ZC3H12C: variants seen among roughly 807,000 people sequenced by gnomAD.
The protein encoded by ZC3H12C is zinc finger CCCH-type containing 12C, also known as probable ribonuclease ZC3H12C.
Under a neutral mutation model 76.3 loss-of-function variants are expected in ZC3H12C, and 20 were observed. The ratio of observed to expected loss-of-function variants is 0.26; its 90% CI spans 0.18 to 0.38. The LOEUF is 0.38. Ranked by LOEUF, ZC3H12C falls within the 10% of genes least tolerant of loss-of-function variation. ZC3H12C has a pLI of 1.00. For synonymous variants in ZC3H12C, 352 were observed against 399.6 expected (o/e 0.88, Z 1.42); for missense variants, 874 against 1,086.5 (o/e 0.80, Z 2.75).
chr11:110,130,671 G>C (rs752949176), intron 1 of ZC3H12C, among the ~76,000 whole-genome samples: 5 of 152,158 alleles, frequency 3.3e-5, no homozygotes, highest in Non-Finnish European at 7.4e-5. Context: ...TAAAAACAAG[G>C]AGGAAAAACT....
At chr11:110,123,662 G>A (rs1376043440) in intron 1 of ZC3H12C, among the ~76,000 whole-genome samples, 1 of 152,138 alleles carries the variant, frequency 6.6e-6, no homozygotes, top group Non-Finnish European at 1.5e-5. Context: ...CCCCTCAAAT[G>A]TGTTAGACAA....
chr11:110,165,238 G>A lies in ZC3H12C; in HGVS notation c.2153G>A (p.Arg718Gln). ...LHLPHSAVGA[R>Q]SSCPGDYPSP... ...CTGCCGCACTCCGCTGTGGGCGCCC[G>A]GTCCAGCTGTCCTGGCGACTACCCC... is the stretch of plus-strand genomic sequence containing the variant. The change falls in exon 6 of 6, where the codon CGG becomes CAG. Residue 718 changes from arginine (R) to glutamine (Q), a missense_variant. Arg to Gln is a conservative substitution (Grantham distance 43). Transcript: ENST00000278590. 6.2e-7 allele frequency: 1 copy of A among 1,613,968 alleles called. No individual in the cohort carries two copies. The highest frequency in any genetic ancestry group is 8.5e-7 in the Non-Finnish European group (1 of 1,179,900).
intron 1 of ZC3H12C, among the ~76,000 whole-genome samples, chr11:110,128,629 A>G (rs973842651): frequency 6.6e-6 from 1 of 152,164 alleles, no homozygotes; most frequent in African/African-American, 2.4e-5. Context: ...CAAAAGAAAG[A>G]GTTTCTAATA....
chr11:110,125,079 G>T (rs1201509236), intron 1 of ZC3H12C, among the ~76,000 whole-genome samples: 1 of 152,156 alleles, frequency 6.6e-6, no homozygotes, highest in Non-Finnish European at 1.5e-5. Flanking sequence ...GAGGTTTTAA[G>T]AATGCACTGT....
At chr11:110,100,073 T>C (rs1861184344) in intron 1 of ZC3H12C, among the ~76,000 whole-genome samples, 1 of 152,144 alleles carries the variant, frequency 6.6e-6, no homozygotes, top group African/African-American at 2.4e-5. Context: ...GTACCTAGGA[T>C]TTTTACCTTG....
At chr11:110,102,318 G>A (rs1861231680) in intron 1 of ZC3H12C, among the ~76,000 whole-genome samples, 1 of 150,430 alleles carries the variant, frequency 6.6e-6, no homozygotes, top group South Asian at 2.1e-4. Flanking sequence ...ATCAATAATA[G>A]GAATTTGGAA....
chr11:110,126,216 C>CT (rs56199067), intron 1 of ZC3H12C, among the ~76,000 whole-genome samples: 30 of 86,202 alleles, frequency 3.5e-4, no homozygotes, highest in Non-Finnish European at 4.3e-4. Context: ...TTGTTTTCTT[C>CT]TTTTTTTTTT....
chr11:110,167,174 T>C lies in ZC3H12C; in HGVS notation c.*1437T>C, dbSNP rs1455687634. On this transcript the variant is annotated 3_prime_UTR_variant, in exon 6 of 6. Coordinates refer to ENST00000278590, the MANE Select transcript of ZC3H12C (RefSeq NM_033390.2). ...ACAGATGCATTCAGATCTTTTTCTG[T>C]AGTCTGCTTAGATGCCCTGGCTATT... 6.6e-6 allele frequency: 1 copy of C among 152,230 alleles called. No homozygotes were observed. 9.4% of individuals were successfully genotyped at this position (152,230 alleles called of 1,614,324 possible).
At chr11:110,117,244 C>A (rs1263792733) in intron 1 of ZC3H12C, among the ~76,000 whole-genome samples, 6 of 152,166 alleles carry the variant, frequency 3.9e-5, no homozygotes, top group Admixed American at 3.9e-4. Flanking sequence ...AGTGAAATAT[C>A]AGCATATGTA....
intron 1 of ZC3H12C, chr11:110,135,834 A>G (rs1312451583): frequency 6.6e-6 from 1 of 152,114 alleles, no homozygotes; most frequent in Non-Finnish European, 1.5e-5. Context: ...TTTATGTGAG[A>G]TATCATCTCT....
intron 4 of ZC3H12C, among the ~76,000 whole-genome samples, chr11:110,161,174 G>A (rs547744778): frequency 2.6e-5 from 4 of 152,156 alleles, no homozygotes; most frequent in South Asian, 2.1e-4. Flanking sequence ...AGTATTATGC[G>A]CAGTCCATAA....
chr11:110,126,886 T>C (rs1349762756), intron 1 of ZC3H12C, among the ~76,000 whole-genome samples: 1 of 152,194 alleles, frequency 6.6e-6, no homozygotes. Flanking sequence ...TGAGCTTTAT[T>C]TTATATAAAG....
At position 110,165,091 on chromosome 11, in the gene ZC3H12C, G is replaced by A. The variant is rs1565270918; in HGVS notation, c.2006G>A (p.Ser669Asn). The A allele has an allele frequency of 1.2e-6, 2 of 1,613,704 alleles. No individual in the cohort carries two copies. The highest frequency in any genetic ancestry group is 1.3e-5 in the African/African-American group (1 of 75,050). The change falls in exon 6 of 6, where the codon AGC (serine) becomes AAC (asparagine). Residue 669 changes from serine (S) to asparagine (N), a missense_variant. By Grantham distance (46) the Ser-to-Asn change is conservative. This residue lies in a region of ZC3H12C where 395 missense variants were observed against 434.4 expected (regional missense o/e 0.91). Transcript: ENST00000278590. The part of the protein sequence containing the change: ...NLKCQHMHPH[S>N]RLNPQPFLQN... ...AAGTGTCAACACATGCACCCTCACA[G>A]CCGCCTTAATCCTCAACCGTTCCTG...
intron 1 of ZC3H12C, among the ~76,000 whole-genome samples, chr11:110,110,024 C>T (rs1407620923): frequency 6.6e-6 from 1 of 152,090 alleles, no homozygotes; most frequent in Non-Finnish European, 1.5e-5. Context: ...GCCTGAATCT[C>T]AACTTTGAAG....
Position 110,169,161 on chromosome 11 carries a change from T to C in ZC3H12C, c.*3424T>C, listed in dbSNP as rs192867745. 1 of 152,290 alleles carries C rather than the reference T, an allele frequency of 6.6e-6. No individual in the cohort carries two copies. The highest frequency in any genetic ancestry group is 1.9e-4 in the East Asian group (1 of 5,186). 9.4% of individuals were successfully genotyped at this position (152,290 alleles called of 1,614,324 possible). ...CAAAGAATTATTTTGATATTTTTAA[T>C]AGAATGTGTAATTTTAAAATACACA... On this transcript the variant is annotated 3_prime_UTR_variant, in exon 6 of 6. Coordinates refer to ENST00000278590, the MANE Select transcript of ZC3H12C (RefSeq NM_033390.2).
At position 110,137,560 on chromosome 11, in the gene ZC3H12C, C is replaced by T. The variant is rs1038801169; in HGVS notation, c.773+146C>T. On this transcript the variant is annotated intron_variant, in intron 2 of 5. Coordinates refer to ENST00000278590, the MANE Select transcript of ZC3H12C (RefSeq NM_033390.2). Reference sequence around the variant, plus strand: ...GTTAACATTAGAAAACATTAGTTTTCCGTCTCTCTTCTTTCAGGGCACTCA... The same window carrying T: ...GTTAACATTAGAAAACATTAGTTTTTCGTCTCTCTTCTTTCAGGGCACTCA... 17 of 1,069,116 alleles carry T rather than the reference C, an allele frequency of 1.6e-5. 1 individual carries two copies. The highest frequency in any genetic ancestry group is 2.1e-5 in the Non-Finnish European group (16 of 775,056). 66.2% of individuals were successfully genotyped at this position (1,069,116 alleles called of 1,614,324 possible). A position where few individuals can be genotyped will look rare whatever the true frequency, so the allele number is the denominator to read the frequency against.
chr11:110,151,943 T>G (rs1675981), intron 2 of ZC3H12C, among the ~76,000 whole-genome samples: 104,685 of 152,020 alleles, frequency 0.69, 36,845 homozygotes, highest in South Asian at 0.79. Context: ...AATATTAATA[T>G]GCCTAAAGTT....
intron 1 of ZC3H12C, among the ~76,000 whole-genome samples, chr11:110,115,610 T>G (rs1292318048): frequency 6.6e-6 from 1 of 151,858 alleles, no homozygotes; most frequent in Non-Finnish European, 1.5e-5. Context: ...GCCTATTTTG[T>G]TTTTTCATAG....
chr11:110,168,601 A>G lies in ZC3H12C; in HGVS notation c.*2864A>G, dbSNP rs542373924. 5.3e-5 allele frequency: 8 copies of G among 152,274 alleles called. 1 individual carries two copies. In the South Asian group the frequency reaches 1.7e-3, roughly 32 times the overall value. 9.4% of individuals were successfully genotyped at this position (152,274 alleles called of 1,614,324 possible). A position where few individuals can be genotyped will look rare whatever the true frequency, so the allele number is the denominator to read the frequency against. On this transcript the variant is annotated 3_prime_UTR_variant, in exon 6 of 6. Transcript: ENST00000278590. ...GAAAAAAAAGGATTCAGACTGGAGT[A>G]TTTTGCCCCTGAATAATTGACAGTT...
Sources: gnomAD v4.1 joint callset for allele counts (sites outside exome capture counted in the v4.1 genomes callset) on GRCh38, gnomAD v4.1.1 for gene constraint, gnomAD v4.1.1 regional missense constraint, MANE v1.5 for transcripts, NCBI Gene and HGNC (gene_info 2026-07-23, HGNC 2026-07-21) for gene names.